The following DPYSL5 variants were observed in gnomAD, a reference collection of about 807,000 sequenced individuals.
The protein encoded by DPYSL5 is dihydropyrimidinase-related protein 5.
DPYSL5 carries 9 observed loss-of-function variants against 58.4 expected under a neutral mutation model. That is an observed-to-expected ratio of 0.15 (90% confidence interval 0.09 to 0.27). The LOEUF is 0.27. Among genes scored for constraint, DPYSL5 ranks in the 10% least tolerant of loss-of-function variants. The pLI is 1.00. For missense variants in DPYSL5, 499 were observed against 770.6 expected, an observed-to-expected ratio of 0.65 and a Z score of 4.17; for synonymous variants, 293 against 301.9, an observed-to-expected ratio of 0.97 and a Z score of 0.31.
chr2:26,852,010 C>G (rs974981606), intron 1 of DPYSL5, among the ~76,000 whole-genome samples: 2 of 152,070 alleles, frequency 1.3e-5, no homozygotes, highest in African/African-American at 4.8e-5. Flanking sequence ...ATATTGAGAG[C>G]CAGAGAAGTT....
chr2:26,866,724 T>A (rs1666150549), intron 1 of DPYSL5, among the ~76,000 whole-genome samples: 1 of 148,276 alleles, frequency 6.7e-6, no homozygotes, highest in Admixed American at 6.6e-5. Flanking sequence ...AACTTAAAAA[T>A]TCTTCTTCTT....
At position 26,927,769 on chromosome 2, in the gene DPYSL5, A is replaced by T. The variant is rs1254369749; in HGVS notation, c.600+337A>T. ...TTAATGAGATTTGATATACAGAATA[A>T]ATAAGAATCCGCTTCCCATTTGGCC... On this transcript the variant is annotated intron_variant, in intron 4 of 12. Transcript: ENST00000288699. This position sits in a 1 kb window ranked among gnomAD's most constrained non-coding sequence, Gnocchi z 4.3. 2.0e-5 allele frequency among the ~76,000 whole-genome samples: 3 copies of T among 152,230 alleles called. No individual in the cohort carries two copies. The highest frequency in any genetic ancestry group is 2.9e-5 in the Non-Finnish European group (2 of 68,042).
Position 26,944,681 on chromosome 2 carries a change from G to T in DPYSL5, c.1466G>T (p.Arg489Leu). 1 of 1,614,000 alleles carries T rather than the reference G, an allele frequency of 6.2e-7. No homozygotes were observed. Among genetic ancestry groups the T allele is most frequent in the Non-Finnish European group, 8.5e-7 (1 of 1,179,962 alleles). Residue 489 changes from arginine to leucine, a missense_variant, in exon 12 of 13, where the codon CGC becomes CTC. Arg to Leu is a moderately radical substitution (Grantham distance 102, BLOSUM62 -2). This residue lies in a region of DPYSL5 where 62 missense variants were observed against 59.2 expected (regional missense o/e 1.05). Coordinates refer to ENST00000288699, the MANE Select transcript of DPYSL5 (RefSeq NM_020134.4). This position sits in a 1 kb window ranked among gnomAD's most constrained non-coding sequence, Gnocchi z 4.4. ...EKTLKVRGVD[R>L]TPYLGDVAVV... ...ACTTTAAAGGTTAGAGGAGTGGACC[G>T]CACTCCCTACCTGGGGGATGTCGCT... is the stretch of plus-strand genomic sequence containing the variant.
intron 2 of DPYSL5, among the ~76,000 whole-genome samples, chr2:26,908,570 C>T (rs1054231049): frequency 1.4e-4 from 22 of 152,198 alleles, no homozygotes; most frequent in African/African-American, 5.3e-4. Context: ...AAATTTGTAT[C>T]TCTGGTATTG....
intron 1 of DPYSL5, among the ~76,000 whole-genome samples, chr2:26,860,835 T>C (rs1665992608): frequency 6.6e-6 from 1 of 152,184 alleles, no homozygotes; most frequent in Admixed American, 6.5e-5. Flanking sequence ...GTGAAATATA[T>C]ACTTAAATAT....
chr2:26,934,525 A>G lies in DPYSL5; in HGVS notation c.791-53A>G. 1 of 1,581,554 alleles carries G rather than the reference A, an allele frequency of 6.3e-7. No homozygotes were observed. The highest frequency in any genetic ancestry group is 8.6e-7 in the Non-Finnish European group (1 of 1,163,382). The stretch of plus-strand genomic sequence containing the variant: ...GTAAAATGAGAGGCACACACCAGCG[A>G]TCGCTCAGGTTCGGTGGCTTCCTGG... On this transcript the variant is annotated intron_variant, in intron 7 of 12. Coordinates refer to ENST00000288699, the MANE Select transcript of DPYSL5 (RefSeq NM_020134.4). The surrounding 1 kb of genome is among the most constrained non-coding windows in gnomAD (Gnocchi z 4.3).
At position 26,946,525 on chromosome 2, in the gene DPYSL5, G is replaced by A. The variant is rs149219797; in HGVS notation, c.1610-385G>A. ...GGTTCTTTCATTTTCCGAAACAATG[G>A]CATACCCTCATTTTTCTCTCTCGCT... On this transcript the variant is annotated intron_variant, in intron 12 of 12. Coordinates refer to ENST00000288699, the MANE Select transcript of DPYSL5 (RefSeq NM_020134.4). Among the ~76,000 whole-genome samples the A allele has an allele frequency of 7.6e-3, 1,157 of 152,164 alleles. 6 individuals are homozygous for A. The highest frequency in any genetic ancestry group is 0.012 in the Non-Finnish European group (831 of 68,022).
chr2:26,876,522 G>GT (rs1357944466), intron 1 of DPYSL5, among the ~76,000 whole-genome samples: 3 of 152,042 alleles, frequency 2.0e-5, no homozygotes, highest in Non-Finnish European at 4.4e-5. Context: ...GTTTGTTTTT[G>GT]TTTTTGTTTT....
chr2:26,866,386 AAAC>A (rs1666140188), intron 1 of DPYSL5, among the ~76,000 whole-genome samples: 1 of 152,192 alleles, frequency 6.6e-6, no homozygotes, highest in Non-Finnish European at 1.5e-5. Context: ...GTAAGGAAGA[AAAC>A]AAGACACCTG....
chr2:26,878,193 A>G (rs1010704776), intron 1 of DPYSL5, among the ~76,000 whole-genome samples: 2 of 152,246 alleles, frequency 1.3e-5, no homozygotes, highest in Admixed American at 6.5e-5. Flanking sequence ...TGCTATTATG[A>G]ATAGTGAAAA....
At chr2:26,872,756 C>T (rs1663298577) in intron 1 of DPYSL5, among the ~76,000 whole-genome samples, 1 of 151,332 alleles carries the variant, frequency 6.6e-6, no homozygotes, top group African/African-American at 2.4e-5. Context: ...ATGGCGTGAG[C>T]CAAGATCATG....
At chr2:26,893,548 C>G (rs926893764) in intron 1 of DPYSL5, among the ~76,000 whole-genome samples, 3 of 152,198 alleles carry the variant, frequency 2.0e-5, no homozygotes, top group Non-Finnish European at 4.4e-5. Context: ...TCCCTGAAAA[C>G]AAACATGGAA....
intron 1 of DPYSL5, among the ~76,000 whole-genome samples, chr2:26,882,937 A>T (rs2148125710): frequency 6.6e-6 from 1 of 151,472 alleles, no homozygotes; most frequent in Admixed American, 6.6e-5. Context: ...AAAGCAATGT[A>T]ACATATAGAA....
chr2:26,856,601 T>C (rs1353396395), intron 1 of DPYSL5, among the ~76,000 whole-genome samples: 1 of 152,150 alleles, frequency 6.6e-6, no homozygotes, highest in East Asian at 1.9e-4. Flanking sequence ...GTGAACATTC[T>C]AGTAGGTGTT....
At chr2:26,869,797 G>A (rs1271262458) in intron 1 of DPYSL5, among the ~76,000 whole-genome samples, 4 of 152,054 alleles carry the variant, frequency 2.6e-5, no homozygotes, top group African/African-American at 9.7e-5. Context: ...GGATCACGAA[G>A]TCAGGAGATC....
rs1178078504 is a variant in DPYSL5 at position 26,932,208 on chromosome 2, A to AAAGAAAGAAAAG, written c.714+526_714+527insGAAAGAAAAGAA. Reference sequence around the variant, plus strand: ...GAAAGAAAGAAAGAAAGAAAGAAAGAAAAGAAAGAAAGAAAGAAAGAAAGA... The same window carrying AAAGAAAGAAAAG: ...GAAAGAAAGAAAGAAAGAAAGAAAGAAAGAAAGAAAAGAAAGAAAGAAAGAAAGAAAGAAAGA... On this transcript the variant is annotated intron_variant, in intron 6 of 12. Transcript: ENST00000288699. 3.4e-4 allele frequency among the ~76,000 whole-genome samples: 24 copies of AAAGAAAGAAAAG among 70,222 alleles called. 1 individual carries two copies. Among genetic ancestry groups the AAAGAAAGAAAAG allele is most frequent in the East Asian group, 7.6e-4 (2 of 2,638 alleles). 46.1% of individuals were successfully genotyped at this position (70,222 alleles called of 152,430 possible).
rs1367854670 is a variant in DPYSL5 at position 26,928,702 on chromosome 2, T to C, written c.669+379T>C. On this transcript the variant is annotated intron_variant, in intron 5 of 12. Transcript: ENST00000288699. ...AGGTGATAGAGTATATATATATATATATACACACACACACATACATATATA... is the reference window on the plus strand; with the variant it reads ...AGGTGATAGAGTATATATATATATACATACACACACACACATACATATATA... Among the ~76,000 whole-genome samples, 91 of 40,158 alleles carry C rather than the reference T, an allele frequency of 2.3e-3. 4 individuals carry two copies. Among genetic ancestry groups the C allele is most frequent in the African/African-American group, 8.0e-3 (91 of 11,330 alleles). The allele number at this position is 40,158 out of a possible 152,430, so 26.3% of individuals were successfully genotyped here.
intron 8 of DPYSL5, chr2:26,939,088 C>T (rs1209146182): frequency 6.6e-6 from 1 of 152,158 alleles, no homozygotes; most frequent in African/African-American, 2.4e-5. Context: ...CCAGGAGCCC[C>T]TCGAGGGCCT....
chr2:26,894,314 TA>T (rs1244476860), intron 1 of DPYSL5, among the ~76,000 whole-genome samples: 1 of 152,098 alleles, frequency 6.6e-6, no homozygotes, highest in African/African-American at 2.4e-5. Context: ...ACTCATTCTG[TA>T]CCACTCCCAC....
Sources: gnomAD v4.1 joint callset for allele counts (sites outside exome capture counted in the v4.1 genomes callset) on GRCh38, gnomAD v4.1.1 for gene constraint, gnomAD v4.1.1 regional missense constraint, Gnocchi (gnomAD v3.1) non-coding constraint, MANE v1.5 for transcripts, NCBI Gene and HGNC (gene_info 2026-07-23, HGNC 2026-07-21) for gene names.